The following GRB10 variants were observed in gnomAD, a reference collection of about 807,000 sequenced individuals.
The protein encoded by GRB10 is growth factor receptor-bound protein 10.
GRB10 carries 20 observed loss-of-function variants against 80.9 expected under a neutral mutation model. That is an observed-to-expected ratio of 0.25 (90% CI 0.17 to 0.36). The LOEUF is 0.36. Among genes scored for constraint, GRB10 ranks in the 10% least tolerant of loss-of-function variants. The probability of loss-of-function intolerance (pLI) is 1.00; values close to 1 mark genes in which losing one functional copy is unlikely to be tolerated. For missense variants in GRB10, 548 were observed against 747.7 expected (o/e 0.73, Z 3.12); for synonymous variants, 291 against 291.5 (o/e 1.00, Z 0.02).
At chr7:50,681,574 T>C (rs932897678) in intron 5 of GRB10, among the ~76,000 whole-genome samples, 2 of 152,374 alleles carry the variant, frequency 1.3e-5, no homozygotes, top group South Asian at 4.1e-4. Context: ...GAGAGGATTC[T>C]TACAACGCAA....
chr7:50,703,891 T>C lies in GRB10; in HGVS notation c.69A>G (p.Thr23=). 1 of 1,613,226 alleles carries C rather than the reference T, an allele frequency of 6.2e-7. No homozygotes were observed. The highest frequency in any genetic ancestry group is 8.5e-7 in the Non-Finnish European group (1 of 1,179,402). Residue 23 remains threonine (T), a synonymous_variant, in exon 5 of 19, where the codon ACA becomes ACG. Transcript: ENST00000401949. ...CTGCCGGGTCTTGTTGACTGCGAGGTGTCTGCTCCACCTTGTCCTAAAAAA... is the reference window on the plus strand; with the variant it reads ...CTGCCGGGTCTTGTTGACTGCGAGGCGTCTGCTCCACCTTGTCCTAAAAAA... ...HPYYQDKVEQ[T]PRSQQDPAGP...
intron 4 of GRB10, among the ~76,000 whole-genome samples, chr7:50,711,890 G>C (rs1375350192): frequency 6.6e-6 from 1 of 152,126 alleles, no homozygotes; most frequent in East Asian, 1.9e-4. Flanking sequence ...TCTCTAATGG[G>C]TACTGTTGCT....
At chr7:50,688,792 G>A (rs2237489) in intron 5 of GRB10, among the ~76,000 whole-genome samples, 2 of 149,572 alleles carry the variant, frequency 1.3e-5, no homozygotes, top group Admixed American at 6.7e-5. Context: ...GGTGGGTGAG[G>A]GGGGGCAGAG....
chr7:50,672,606 CCCCTCCAT>C (rs2060481157), intron 6 of GRB10, among the ~76,000 whole-genome samples: 1 of 152,204 alleles, frequency 6.6e-6, no homozygotes, highest in Non-Finnish European at 1.5e-5. Flanking sequence ...AGCAAGCCTG[CCCCTCCAT>C]CCCAGGGACT....
chr7:50,786,490 AC>A (rs2078699891), upstream of GRB10, among the ~76,000 whole-genome samples: 1 of 152,192 alleles, frequency 6.6e-6, no homozygotes, highest in Non-Finnish European at 1.5e-5. Flanking sequence ...ACAAAACAAA[AC>A]AAAAAACAAA....
At chr7:50,776,334 C>T (rs965234218) in intron 2 of GRB10, among the ~76,000 whole-genome samples, 1 of 152,060 alleles carries the variant, frequency 6.6e-6, no homozygotes, top group East Asian at 1.9e-4. Context: ...CCACTTCAGT[C>T]CCCTTGAGTA....
intron 7 of GRB10, among the ~76,000 whole-genome samples, chr7:50,652,116 G>C (rs1288057139): frequency 6.6e-6 from 1 of 152,214 alleles, no homozygotes; most frequent in Non-Finnish European, 1.5e-5. Context: ...TAAATAATGT[G>C]TATTTCTAGT....
chr7:50,678,995 T>C (rs573685333), intron 5 of GRB10, among the ~76,000 whole-genome samples: 13 of 152,354 alleles, frequency 8.5e-5, no homozygotes, highest in African/African-American at 2.4e-4. Context: ...CTGGGAGGAA[T>C]AGTGAAAGGT....
chr7:50,710,697 A>G (rs1015311864), intron 4 of GRB10, among the ~76,000 whole-genome samples: 14 of 152,310 alleles, frequency 9.2e-5, no homozygotes, highest in East Asian at 1.9e-4. Flanking sequence ...AGGCCCCCAC[A>G]TGCTGGTTAG....
intron 11 of GRB10, among the ~76,000 whole-genome samples, chr7:50,615,426 T>C (rs1364297515): frequency 6.6e-6 from 1 of 152,220 alleles, no homozygotes; most frequent in Non-Finnish European, 1.5e-5. Flanking sequence ...TACCATGCCC[T>C]GTGTCAGTTC....
rs374287792 is a variant in GRB10, at chr7:50,674,508, C to T, written c.290G>A (p.Arg97Gln). 2.6e-5 allele frequency: 42 copies of T among 1,609,640 alleles called. No individual in the cohort carries two copies. The African/African-American group carries it at 5.1e-4, about 19-fold the overall frequency. The change falls in exon 6 of 19, where the codon CGG becomes CAG. Residue 97 changes from arginine (R) to glutamine (Q), a missense_variant. Physicochemically the swap from Arg to Gln is conservative, Grantham distance 43. Transcript: ENST00000401949. ...RSQPRASGPP[R>Q]SIQPQVSPRQ... ...CGGGGACACCTGTGGCTGGATGGAC[C>T]GAGGAGGGCCTGAAGCCCGAGGCTG... is the stretch of plus-strand genomic sequence containing the variant.
intron 7 of GRB10, among the ~76,000 whole-genome samples, chr7:50,646,667 A>G (rs2057244302): frequency 6.6e-6 from 1 of 152,186 alleles, no homozygotes; most frequent in Admixed American, 6.5e-5. Flanking sequence ...CCCTGACTGA[A>G]TGAACCAGCT....
At chr7:50,705,206 C>A in intron 4 of GRB10, 1 of 985,818 alleles carries the variant, frequency 1.0e-6, no homozygotes, top group Non-Finnish European at 1.2e-6. Context: ...TGGGGGGAAG[C>A]AGAGGGTAGC....
intron 11 of GRB10, 141 bp from the exon 12 acceptor site, chr7:50,615,021 C>T (rs532280720): frequency 1.4e-4 from 97 of 696,270 alleles, no homozygotes; most frequent in Middle Eastern, 2.5e-4. Context: ...GATTATTACG[C>T]GAGGTGTAAT....
At chr7:50,709,819 C>T (rs1358011862) in intron 4 of GRB10, among the ~76,000 whole-genome samples, 4 of 152,050 alleles carry the variant, frequency 2.6e-5, no homozygotes, top group Admixed American at 6.5e-5. Context: ...GGTAGAAATG[C>T]AGGCTCCCAG....
At chr7:50,617,949 G>T in intron 10 of GRB10, 122 bp downstream of exon 10, 1 of 884,012 alleles carries the variant, frequency 1.1e-6, no homozygotes, top group Non-Finnish European at 1.9e-6. Context: ...CGGCTTAAGA[G>T]CCAAGGTTAT....
chr7:50,728,960 C>G (rs946040950), intron 4 of GRB10, among the ~76,000 whole-genome samples: 9 of 152,244 alleles, frequency 5.9e-5, no homozygotes, highest in Non-Finnish European at 1.0e-4. Flanking sequence ...CGTGAGCCAC[C>G]AAGACCAGCC....
chr7:50,691,214 G>T (rs2062774518), intron 5 of GRB10, among the ~76,000 whole-genome samples: 1 of 152,202 alleles, frequency 6.6e-6, no homozygotes, highest in African/African-American at 2.4e-5. Flanking sequence ...ATCTTGGTTT[G>T]AGCCACTGAA....
intron 17 of GRB10, among the ~76,000 whole-genome samples, chr7:50,597,767 G>C (rs932629109): frequency 6.6e-6 from 1 of 152,240 alleles, no homozygotes; most frequent in African/African-American, 2.4e-5. Flanking sequence ...GCATGGCTTA[G>C]GCATCAGCAG....
Sources: gnomAD v4.1 joint callset for allele counts (sites outside exome capture counted in the v4.1 genomes callset) on GRCh38, gnomAD v4.1.1 for gene constraint, MANE v1.5 for transcripts, NCBI Gene and HGNC (gene_info 2026-07-23, HGNC 2026-07-21) for gene names.